LRRK2: variants seen among roughly 807,000 people sequenced by gnomAD.
LRRK2 encodes leucine rich repeat kinase 2, also known as leucine-rich repeat serine/threonine-protein kinase 2.
Under a neutral mutation model 302.6 loss-of-function variants are expected in LRRK2, and 203 were observed. The ratio of observed to expected loss-of-function variants is 0.67; its 90% CI spans 0.60 to 0.75. LRRK2 has a LOEUF of 0.75. Among genes scored for constraint, LRRK2 ranks in the 30% least tolerant of loss-of-function variants. LRRK2 has a pLI of 0.00. For synonymous variants in LRRK2, 1,066 were observed against 1,031.9 expected, an observed-to-expected ratio of 1.03 and a Z score of -0.63; for missense variants, 2,830 against 2,951.0, an observed-to-expected ratio of 0.96 and a Z score of 0.95.
chr12:40,270,801 C>G (rs948874947), intron 14 of LRRK2, among the ~76,000 whole-genome samples: 4 of 151,898 alleles, frequency 2.6e-5, no homozygotes, highest in African/African-American at 9.7e-5. Context: ...CATATACATA[C>G]ACGAATACAT....
chr12:40,288,285 T>A (rs1210683559), intron 20 of LRRK2, among the ~76,000 whole-genome samples: 1 of 151,848 alleles, frequency 6.6e-6, no homozygotes, highest in Non-Finnish European at 1.5e-5. Context: ...ATAAAATGCA[T>A]TCACTTTAAG....
intron 7 of LRRK2, among the ~76,000 whole-genome samples, chr12:40,247,839 C>T (rs192763441): frequency 1.3e-4 from 19 of 148,126 alleles, no homozygotes; most frequent in African/African-American, 2.0e-4. Flanking sequence ...TTTTTTGATA[C>T]GTACAACTAT....
At chr12:40,274,832 T>C in intron 15 of LRRK2, 22 bp from the exon 16 acceptor site, 2 of 1,609,098 alleles carry the variant, frequency 1.2e-6, no homozygotes, top group Non-Finnish European at 1.7e-6. Flanking sequence ...TTTAAAACAA[T>C]TCTTTTTTTT....
rs200216524 is a variant in LRRK2, at chr12:40,259,453, A to G, written c.1419-27A>G. 97 of 1,612,622 alleles carry G rather than the reference A, an allele frequency of 6.0e-5. 1 individual carries two copies. In the Middle Eastern group the frequency reaches 9.9e-4, roughly 16 times the overall value. ...ACCATTGAATCAGATCAGTCTTTCA[A>G]TAAGCATGCCAATTTTATATCCCCA... is the stretch of plus-strand genomic sequence containing the variant. On this transcript the variant is annotated intron_variant, in intron 12 of 50. Transcript: ENST00000298910.
At chr12:40,310,044 C>A (rs1030744319) in intron 30 of LRRK2, among the ~76,000 whole-genome samples, 1 of 151,926 alleles carries the variant, frequency 6.6e-6, no homozygotes, top group Non-Finnish European at 1.5e-5. Context: ...ATTAAATTCA[C>A]AGATAAGGAA....
In LRRK2 at chr12:40,298,892, A is replaced by G. The variant is rs1443401547; in HGVS notation, c.3348-217A>G. Among the ~76,000 whole-genome samples the G allele has an allele frequency of 2.4e-5, 3 of 125,098 alleles. No individual in the cohort carries two copies. The East Asian group carries it at 6.4e-4, about 27-fold the overall frequency. 82.1% of individuals were successfully genotyped at this position (125,098 alleles called of 152,430 possible). On this transcript the variant is annotated intron_variant, in intron 24 of 50. Coordinates refer to ENST00000298910, the MANE Select transcript of LRRK2 (RefSeq NM_198578.4). The stretch of plus-strand genomic sequence containing the variant: ...ATATATACTATATATAATACTTATT[A>G]TATATATACTATATATAATACTTAT...
chr12:40,313,196 G>A (rs1945093001), intron 31 of LRRK2, among the ~76,000 whole-genome samples: 1 of 151,792 alleles, frequency 6.6e-6, no homozygotes, highest in African/African-American at 2.4e-5. Context: ...GGTTCTTAAC[G>A]GCACTCTGGA....
In LRRK2 at chr12:40,336,274, G is replaced by A. The variant is rs552069046; in HGVS notation, c.5948+1117G>A. 2.6e-5 allele frequency among the ~76,000 whole-genome samples: 4 copies of A among 152,292 alleles called. No homozygotes were observed. The South Asian group carries it at 8.3e-4, about 32-fold the overall frequency. ...CTCTACTTATTATAAAGGATTATCTGAATCTTTCTGAATCCTTTCATTTAG... is the reference window on the plus strand; with the variant it reads ...CTCTACTTATTATAAAGGATTATCTAAATCTTTCTGAATCCTTTCATTTAG... On this transcript the variant is annotated intron_variant, in intron 40 of 50. Transcript: ENST00000298910.
chr12:40,355,866 A>G (rs1946521077), intron 45 of LRRK2, among the ~76,000 whole-genome samples: 1 of 152,122 alleles, frequency 6.6e-6, no homozygotes, highest in Admixed American at 6.6e-5. Flanking sequence ...ATTACATTTC[A>G]AAGGAATGGC....
At chr12:40,276,463 T>C (rs1943457409) in intron 16 of LRRK2, among the ~76,000 whole-genome samples, 1 of 152,090 alleles carries the variant, frequency 6.6e-6, no homozygotes, top group South Asian at 2.1e-4. Context: ...GCTCAGCTAA[T>C]GTTTGTATTT....
chr12:40,318,918 TTCAA>T, intron 33 of LRRK2, among the ~76,000 whole-genome samples: 1 of 152,198 alleles, frequency 6.6e-6, no homozygotes, highest in Admixed American at 6.6e-5. Context: ...TACCAATATG[TTCAA>T]TCAACCATGC....
chr12:40,303,895 A>G (rs1944713769), intron 26 of LRRK2, 53 bp from the exon 27 acceptor site: 5 of 1,527,978 alleles, frequency 3.3e-6, no homozygotes, highest in African/African-American at 1.4e-5. Context: ...ATGTTATTTC[A>G]TGTATTTTGG....
chr12:40,291,342 T>C (rs1181611776), intron 20 of LRRK2, among the ~76,000 whole-genome samples: 1 of 151,730 alleles, frequency 6.6e-6, no homozygotes, highest in Non-Finnish European at 1.5e-5. Flanking sequence ...GAGGAGTTAA[T>C]GGGTGCAGCA....
At chr12:40,264,784 T>C (rs1441216847) in intron 14 of LRRK2, among the ~76,000 whole-genome samples, 1 of 152,210 alleles carries the variant, frequency 6.6e-6, no homozygotes, top group Non-Finnish European at 1.5e-5. Context: ...AATTAAAGTA[T>C]CCATAAATCA....
intron 13 of LRRK2, among the ~76,000 whole-genome samples, chr12:40,260,624 G>T (rs1942727235): frequency 6.6e-6 from 1 of 152,062 alleles, no homozygotes; most frequent in Non-Finnish European, 1.5e-5. Flanking sequence ...TATTAAAATT[G>T]TTTGCAGATT....
intron 41 of LRRK2, 91 bp downstream of exon 41, chr12:40,340,545 G>A (rs928237766): frequency 2.2e-5 from 29 of 1,304,258 alleles, no homozygotes; most frequent in Non-Finnish European, 2.6e-5. Context: ...AAGGAAAACA[G>A]AGTCTATCAC....
In LRRK2 at chr12:40,235,642, C is replaced by T. The variant is rs41286468; in HGVS notation, c.364C>T (p.Leu122=). 386 of 1,604,464 alleles carry T rather than the reference C, an allele frequency of 2.4e-4. 1 individual carries two copies. Among genetic ancestry groups the T allele is most frequent in the Middle Eastern group, 5.0e-4 (3 of 6,036 alleles). The change falls in exon 4 of 51, where the codon CTA becomes TTA. Residue 122 remains leucine (L), a synonymous_variant. Coordinates refer to ENST00000298910, the MANE Select transcript of LRRK2 (RefSeq NM_198578.4). ...TAACTCCAGATTGATTCTTAAAATG[C>T]TAACAGTTCATAATGCCAGTGTAAA... ...LGVHQLILKM[L]TVHNASVNLS... is the part of the protein sequence containing the mutation.
chr12:40,348,598 A>G, intron 43 of LRRK2, 89 bp downstream of exon 43: 2 of 810,680 alleles, frequency 2.5e-6, no homozygotes, highest in Non-Finnish European at 4.1e-6. Context: ...ATACTTAAAC[A>G]CATAAACACA....
intron 20 of LRRK2, among the ~76,000 whole-genome samples, chr12:40,291,254 G>A (rs1458996431): frequency 6.6e-6 from 1 of 150,548 alleles, no homozygotes; most frequent in Non-Finnish European, 1.5e-5. Flanking sequence ...ACAGGAAGGG[G>A]AACATCACAC....
Sources: allele counts gnomAD v4.1 joint callset (sites outside exome capture counted in the v4.1 genomes callset), GRCh38; gene constraint gnomAD v4.1.1; transcripts MANE v1.5; gene names NCBI Gene and HGNC (gene_info 2026-07-23, HGNC 2026-07-21).